The following PEAK3 variants were observed in gnomAD, a reference collection of about 807,000 sequenced individuals.
PEAK3 encodes the protein protein PEAK3.
A neutral mutation model predicts 13.3 loss-of-function variants in PEAK3; 15 were observed. The ratio of observed to expected loss-of-function variants is 1.13; its 90% CI spans 0.75 to 1.73. The LOEUF is 1.73. Ranked by LOEUF, PEAK3 falls within the 40% of genes most tolerant of loss-of-function variation. The pLI, the probability that PEAK3 is intolerant of heterozygous loss-of-function variation, is 0.00. For synonymous variants in PEAK3, 347 were observed against 341.9 expected, an observed-to-expected ratio of 1.01 and a Z score of -0.17; for missense variants, 739 against 690.2, an observed-to-expected ratio of 1.07 and a Z score of -0.79.
intron 2 of PEAK3, among the ~76,000 whole-genome samples, chr19:2,280,643 C>A (rs1007475865): frequency 1.3e-5 from 2 of 152,170 alleles, no homozygotes; most frequent in East Asian, 3.9e-4. Context: ...AGCCACCACG[C>A]CCCGCCCACC....
intron 1 of PEAK3, among the ~76,000 whole-genome samples, 163 bp from the exon 2 acceptor site, chr19:2,281,098 T>G (rs1265931768): frequency 6.6e-6 from 1 of 152,104 alleles, no homozygotes; most frequent in East Asian, 1.9e-4. Context: ...CCTTGTCCAG[T>G]TTTGACCCTG....
At chr19:2,279,677 G>A (rs889432626) in intron 2 of PEAK3, among the ~76,000 whole-genome samples, 2 of 151,946 alleles carry the variant, frequency 1.3e-5, no homozygotes, top group Admixed American at 6.6e-5. Flanking sequence ...ATAGGAGGAT[G>A]GATCAGTTTC....
chr19:2,276,927 G>A (rs554991080), intron 3 of PEAK3, among the ~76,000 whole-genome samples: 13 of 152,204 alleles, frequency 8.5e-5, no homozygotes, highest in East Asian at 1.9e-4. Flanking sequence ...TGAGAGAATC[G>A]CTTGAGCCCG....
Position 2,278,848 on chromosome 19 carries a change from C to CT in PEAK3, c.347_348insA (p.Ala117GlyfsTer2). On this transcript the variant is annotated frameshift_variant, in exon 3 of 4. Coordinates refer to ENST00000342063, the MANE Select transcript of PEAK3 (RefSeq NM_198532.3). LOFTEE classifies it high-confidence loss of function. ...GGGAGAGGCCCAGTGGGGCGTCAGC[C>CT]GGGCCAAAGGTCAGCTCTGCAGGGA... is the stretch of plus-strand genomic sequence containing the variant. 6.3e-7 allele frequency: 1 copy of CT among 1,597,264 alleles called. No individual in the cohort carries two copies. Among genetic ancestry groups the CT allele is most frequent in the Non-Finnish European group, 8.5e-7 (1 of 1,172,272 alleles).
At position 2,278,823 on chromosome 19, in the gene PEAK3, G is replaced by T; in HGVS notation, c.373C>A (p.Leu125Ile). ...GCCTCCGGGCTGTGCAGATCGCGGA[G>T]GGAGAGGCCCAGTGGGGCGTCAGCC... ...GPADAPLGLS[L>I]RDLHSPEAVH... The change falls in exon 3 of 4, where the codon CTC becomes ATC. Residue 125 changes from leucine to isoleucine, a missense_variant. By Grantham distance (5) the Leu-to-Ile change is conservative. Transcript: ENST00000342063. 1 of 1,596,690 alleles carries T rather than the reference G, an allele frequency of 6.3e-7. No homozygotes were observed.
intron 3 of PEAK3, among the ~76,000 whole-genome samples, chr19:2,276,815 A>G (rs2025394872): frequency 6.6e-6 from 1 of 152,068 alleles, no homozygotes; most frequent in South Asian, 2.1e-4. Flanking sequence ...GGAGTTCGAG[A>G]CCAGCCTGGC....
Position 2,276,194 on chromosome 19 carries a change from A to T in PEAK3, c.908T>A (p.Val303Asp). 1 of 1,557,528 alleles carries T rather than the reference A, an allele frequency of 6.4e-7. No homozygotes were observed. Among genetic ancestry groups the T allele is most frequent in the South Asian group, 1.2e-5 (1 of 85,534 alleles). ...CAGCAAGTTCTCCGGCCGCAACTCG[A>T]CTAGGGCCGCGCCCCACGCCTCCAG... The part of the protein sequence containing the change: ...KFLEAWGAAL[V>D]ELRPENLLLV... The change falls in exon 4 of 4, where the codon GTC becomes GAC. Residue 303 changes from valine (V) to aspartate (D), a missense_variant. Val to Asp is a radical substitution (Grantham distance 152). Transcript: ENST00000342063.
rs940361504 is a variant in PEAK3 at position 2,275,230 on chromosome 19, C to G, written c.*450G>C. ...CACCAGGGACAGGGGCATTCACATG[C>G]CCAAAATCACTGGCCATCTTCAGCA... On this transcript the variant is annotated 3_prime_UTR_variant, in exon 4 of 4. Coordinates refer to ENST00000342063, the MANE Select transcript of PEAK3 (RefSeq NM_198532.3). 2 of 154,090 alleles carry G rather than the reference C, an allele frequency of 1.3e-5. No homozygotes were observed. Among genetic ancestry groups the G allele is most frequent in the African/African-American group, 4.8e-5 (2 of 41,546 alleles). The allele number at this position is 154,090 out of a possible 1,614,324, so 9.5% of individuals were successfully genotyped here.
chr19:2,278,470 C>G (rs2025411120), intron 3 of PEAK3, 114 bp downstream of exon 3: 8 of 1,228,308 alleles, frequency 6.5e-6, no homozygotes, highest in South Asian at 2.8e-5. Context: ...TCCAGTATTT[C>G]TTTACAGCAG....
intron 3 of PEAK3, 68 bp downstream of exon 3, chr19:2,278,516 A>G (rs978982613): frequency 4.2e-5 from 57 of 1,362,284 alleles, no homozygotes; most frequent in Non-Finnish European, 5.1e-5. Flanking sequence ...CAAATGAAAC[A>G]AGCCCTGGGT....
Position 2,278,968 on chromosome 19 carries a change from G to C in PEAK3, c.228C>G (p.Leu76=), listed in dbSNP as rs752817084. Residue 76 remains leucine, a synonymous_variant, in exon 3 of 4, where the codon CTC becomes CTG. Transcript: ENST00000342063. ...GCTGTACTTGGATGGAGCTGGGATG[G>C]AGGGTCCTGCGGGTGGGCAGTGACT... ...RTQSLPTRRT[L]HPSSIQVQPP... 6.2e-7 allele frequency: 1 copy of C among 1,603,266 alleles called. No homozygotes were observed. The highest frequency in any genetic ancestry group is 2.2e-5 in the East Asian group (1 of 44,528).
rs756014310 is a variant in PEAK3 at position 2,278,575 on chromosome 19, G to A, written c.612+9C>T. Reference sequence around the variant, plus strand: ...GACACCTCAGAGAGGGTGGGGCTGTGGGGCTCACCTTGGCGACCAGGATGT... The same window carrying A: ...GACACCTCAGAGAGGGTGGGGCTGTAGGGCTCACCTTGGCGACCAGGATGT... On this transcript the variant is annotated intron_variant, in intron 3 of 3. Transcript: ENST00000342063. The A allele has an allele frequency of 6.8e-7, 1 of 1,478,208 alleles. No homozygotes were observed. Among genetic ancestry groups the A allele is most frequent in the Non-Finnish European group, 9.0e-7 (1 of 1,116,080 alleles). 91.6% of individuals were successfully genotyped at this position (1,478,208 alleles called of 1,614,324 possible).
chr19:2,277,903 G>A (rs533912275), intron 3 of PEAK3, among the ~76,000 whole-genome samples: 6 of 146,276 alleles, frequency 4.1e-5, no homozygotes, highest in South Asian at 2.2e-4. Context: ...TCGCTCTGTC[G>A]CCCAGGCTGG....
At chr19:2,279,341 C>A (rs1402326738) in intron 2 of PEAK3, among the ~76,000 whole-genome samples, 1 of 152,118 alleles carries the variant, frequency 6.6e-6, no homozygotes, top group African/African-American at 2.4e-5. Flanking sequence ...GAGACCCTGT[C>A]TCTGCAAAAA....
At position 2,278,887 on chromosome 19, in the gene PEAK3, CA is replaced by C. The variant is rs764982406; in HGVS notation, c.308del (p.Val103GlyfsTer10). 6.3e-7 allele frequency: 1 copy of C among 1,596,878 alleles called. No individual in the cohort carries two copies. The highest frequency in any genetic ancestry group is 8.5e-7 in the Non-Finnish European group (1 of 1,172,304). ...SHSVDKSQAAVGPACLPAELT... is the reference protein window; with the variant it reads ...SHSVDKSQAAXGPACLPAELT... Reference sequence around the variant, plus strand: ...GCTCTGCAGGGAGACAGGCTGGTCCCACTGCAGCCTGGCTCTTGTCCACACT... The same window carrying C: ...GCTCTGCAGGGAGACAGGCTGGTCCCCTGCAGCCTGGCTCTTGTCCACACT... On this transcript the variant is annotated frameshift_variant, in exon 3 of 4. Transcript: ENST00000342063. LOFTEE classifies it high-confidence loss of function.
At position 2,278,732 on chromosome 19, in the gene PEAK3, G is replaced by A; in HGVS notation, c.464C>T (p.Ala155Val). 1 of 1,534,356 alleles carries A rather than the reference G, an allele frequency of 6.5e-7. No individual in the cohort carries two copies. The highest frequency in any genetic ancestry group is 8.8e-7 in the Non-Finnish European group (1 of 1,137,936). ...CCCGGGGTGGCCCCCCATGAGCCGG[G>A]CACGGAGCCGGGCATAGATGGTACG... The part of the protein sequence containing the change: ...GLRTIYARLR[A>V]RLMGGHPGPC... Residue 155 changes from alanine to valine, a missense_variant, in exon 3 of 4, where the codon GCC (alanine) becomes GTC (valine). Ala to Val is a moderately conservative substitution (Grantham distance 64). Coordinates refer to ENST00000342063, the MANE Select transcript of PEAK3 (RefSeq NM_198532.3).
chr19:2,278,655 C>T lies in PEAK3; in HGVS notation c.541G>A (p.Glu181Lys). Residue 181 changes from glutamate (E) to lysine (K), a missense_variant, in exon 3 of 4, where the codon GAG (glutamate) becomes AAG (lysine). Coordinates refer to ENST00000342063, the MANE Select transcript of PEAK3 (RefSeq NM_198532.3). ...CGGTAATACAGGGCGTCCCCGCTCT[C>T]TGCGCAGGGTGAGCTGTCTAGGAGG... Reference protein sequence around the residue: ...FRLLDSSPCAESGDALYYRVV... With the variant: ...FRLLDSSPCAKSGDALYYRVV... The T allele has an allele frequency of 6.6e-7, 1 of 1,511,876 alleles. No homozygotes were observed. The allele number at this position is 1,511,876 out of a possible 1,614,324, so 93.7% of individuals were successfully genotyped here. A position where few individuals can be genotyped will look rare whatever the true frequency, so the allele number is the denominator to read the frequency against.
intron 2 of PEAK3, among the ~76,000 whole-genome samples, chr19:2,280,479 G>A (rs893525193): frequency 2.0e-5 from 3 of 151,808 alleles, no homozygotes; most frequent in Non-Finnish European, 4.4e-5. Context: ...CGAGCAGCTG[G>A]GACTGCAGGC....
At chr19:2,280,762 C>G (rs768794996) in intron 2 of PEAK3, 88 bp downstream of exon 2, 3 of 912,568 alleles carry the variant, frequency 3.3e-6, no homozygotes, top group Non-Finnish European at 4.5e-6. Context: ...CAACCTCCTG[C>G]CGCTCCCTGC....
Sources: allele counts gnomAD v4.1 joint callset (sites outside exome capture counted in the v4.1 genomes callset), GRCh38; gene constraint gnomAD v4.1.1; transcripts MANE v1.5; gene names NCBI Gene and HGNC (gene_info 2026-07-23, HGNC 2026-07-21).